Variants in NAV1 observed in about 807,000 individuals in gnomAD.
NAV1 encodes the protein neuron navigator 1, also known as pore membrane and/or filament interacting like protein 3.
In NAV1, 18 loss-of-function variants were observed where a neutral mutation model predicts 175.2. The ratio of observed to expected loss-of-function variants is 0.10; its 90% CI spans 0.07 to 0.15. NAV1 has a LOEUF of 0.15. NAV1 is among the 10% of genes least tolerant of loss of function. NAV1 has a pLI of 1.00. For missense variants in NAV1, 1,731 were observed against 2,436.6 expected (o/e 0.71, Z 6.10); for synonymous variants, 897 against 978.7 (o/e 0.92, Z 1.56).
chr1:201,804,096 T>C, intron 16 of NAV1: 2 of 471,022 alleles, frequency 4.2e-6, no homozygotes, highest in South Asian at 1.8e-5. Flanking sequence ...CTGTTCATTC[T>C]AGACTCCTGG....
intron 2 of NAV1, among the ~76,000 whole-genome samples, chr1:201,594,391 G>C (rs978156226): frequency 2.0e-5 from 3 of 152,310 alleles, no homozygotes; most frequent in Admixed American, 6.5e-5. Context: ...GAGCTCCCAG[G>C]CTGCATGGGG....
chr1:201,554,159 C>T (rs182727384), intron 1 of NAV1, among the ~76,000 whole-genome samples: 1 of 152,320 alleles, frequency 6.6e-6, no homozygotes, highest in East Asian at 1.9e-4. Context: ...CTGGTTTCCC[C>T]ATAAGACAGA....
At chr1:201,609,088 A>T (rs1667774188) in intron 2 of NAV1, among the ~76,000 whole-genome samples, 1 of 152,186 alleles carries the variant, frequency 6.6e-6, no homozygotes, top group Non-Finnish European at 1.5e-5. Context: ...GTAACTCGGG[A>T]AGATGCTTAG....
chr1:201,809,599 T>A, intron 22 of NAV1, 62 bp downstream of exon 26: 3 of 1,497,046 alleles, frequency 2.0e-6, no homozygotes, highest in South Asian at 2.4e-5. Context: ...TATACTTTTT[T>A]AGAGACAGGG....
intron 1 of NAV1, among the ~76,000 whole-genome samples, chr1:201,709,647 T>C (rs1471968601): frequency 6.6e-6 from 1 of 152,256 alleles, no homozygotes; most frequent in South Asian, 2.1e-4. Context: ...GGCATACCCA[T>C]GATGGCCACC....
rs1204579029 is a variant in NAV1, at chr1:201,813,863, C to G, written c.5340+605C>G. Among the ~76,000 whole-genome samples, 4 of 152,004 alleles carry G rather than the reference C, an allele frequency of 2.6e-5. No homozygotes were observed. The East Asian group carries it at 7.7e-4, about 29-fold the overall frequency. ...ACCAGGTCAGGAGATCAGGACCATC[C>G]TGGCTAACATGGTGAAATCCCCTTT... On this transcript the variant is annotated intron_variant, in intron 28 of 29. Coordinates refer to ENST00000367296, the Ensembl canonical transcript of NAV1. This position sits in a 1 kb window ranked among gnomAD's most constrained non-coding sequence, Gnocchi z 4.2.
chr1:201,807,054 G>A lies in NAV1; in HGVS notation c.3649-899G>A, dbSNP rs1678336233. Among the ~76,000 whole-genome samples the A allele has an allele frequency of 6.6e-6, 1 of 151,924 alleles. No individual in the cohort carries two copies. The highest frequency in any genetic ancestry group is 6.6e-5 in the Admixed American group (1 of 15,232). ...TGTCCCTGTGTGTGTGTGTGTATGT[G>A]TGTGTGTGGTGTGTGGTGTGTGCAT... On this transcript the variant is annotated intron_variant, in intron 17 of 29. Transcript: ENST00000367296. The surrounding 1 kb of genome is among the most constrained non-coding windows in gnomAD (Gnocchi z 5.4).
intron 1 of NAV1, among the ~76,000 whole-genome samples, chr1:201,689,789 T>C (rs966227098): frequency 3.3e-5 from 5 of 152,162 alleles, no homozygotes; most frequent in Non-Finnish European, 7.3e-5. Context: ...AGATGTGCGA[T>C]TGGGGGAGTG....
Position 201,782,211 on chromosome 1 carries a change from C to T in NAV1, c.1699C>T (p.Leu567Phe). Reference sequence around the variant, plus strand: ...GGGCAAAGCTACAGACAAGGGTAAGCTTGCAGTGAAGAATACTGGGCTCCA... The same window carrying T: ...GGGCAAAGCTACAGACAAGGGTAAGTTTGCAGTGAAGAATACTGGGCTCCA... Residue 567 changes from leucine (L) to phenylalanine (F), a missense_variant, in exon 6 of 30, where the codon CTT becomes TTT. Leu to Phe is a conservative substitution (Grantham distance 22, BLOSUM62 0). This residue lies in a region of NAV1 where 634 missense variants were observed against 766.8 expected (regional missense o/e 0.83). Transcript: ENST00000367296. This position sits in a 1 kb window ranked among gnomAD's most constrained non-coding sequence, Gnocchi z 5.4. 9 of 1,609,862 alleles carry T rather than the reference C, an allele frequency of 5.6e-6. No homozygotes were observed. The highest frequency in any genetic ancestry group is 6.8e-6 in the Non-Finnish European group (8 of 1,178,130).
intron 1 of NAV1, among the ~76,000 whole-genome samples, chr1:201,668,683 C>T (rs635979): frequency 0.19 from 28,168 of 151,988 alleles, 3,251 homozygotes; most frequent in African/African-American, 0.33. Flanking sequence ...TGAAGGCTGC[C>T]GAGAGCCACC....
chr1:201,554,576 C>G (rs1665957379), intron 1 of NAV1, among the ~76,000 whole-genome samples: 1 of 152,148 alleles, frequency 6.6e-6, no homozygotes, highest in Non-Finnish European at 1.5e-5. Context: ...CAAAGGAAAA[C>G]CGAACAGGAC....
At chr1:201,649,014 G>A in exon 1 of NAV1, 1 of 1,613,572 alleles carries the variant, frequency 6.2e-7, no homozygotes, top group Admixed American at 1.7e-5. Flanking sequence ...CGACGATATG[G>A]CCAAGGCGCC....
intron 2 of NAV1, among the ~76,000 whole-genome samples, chr1:201,717,615 G>A (rs1672189600): frequency 6.6e-6 from 1 of 152,216 alleles, no homozygotes; most frequent in South Asian, 2.1e-4. Flanking sequence ...TTGAGACTCT[G>A]GACATTTGGC....
At chr1:201,809,057 T>G in intron 20 of NAV1, 107 bp from the exon 25 acceptor site, 1 of 1,337,376 alleles carries the variant, frequency 7.5e-7, no homozygotes, top group Non-Finnish European at 1.1e-6. Context: ...GGACCTCCAT[T>G]CCTTCTCTGT....
chr1:201,803,548 T>C (rs1352519245), intron 15 of NAV1, 45 bp from the exon 20 acceptor site: 13 of 1,582,510 alleles, frequency 8.2e-6, no homozygotes, highest in Non-Finnish European at 9.5e-6. Context: ...TCTCACATCC[T>C]CTCTAAATCT....
chr1:201,711,595 G>A (rs1317653321), intron 1 of NAV1, among the ~76,000 whole-genome samples: 1 of 152,250 alleles, frequency 6.6e-6, no homozygotes, highest in Non-Finnish European at 1.5e-5. Context: ...CTTGCGGATG[G>A]AGGGGAAAAG....
chr1:201,746,197 T>G (rs1673759822), intron 3 of NAV1, among the ~76,000 whole-genome samples: 1 of 152,212 alleles, frequency 6.6e-6, no homozygotes, highest in South Asian at 2.1e-4. Flanking sequence ...TTTGTCCAAT[T>G]ATAAGTTTCT....
chr1:201,642,557 T>TTCTTTC, intron 2 of NAV1, among the ~76,000 whole-genome samples: 1 of 106,098 alleles, frequency 9.4e-6, no homozygotes, highest in African/African-American at 4.2e-5. Context: ...TTCTTTCTTT[T>TTCTTTC]TTCCCTTTCT....
chr1:201,627,424 C>A (rs1158596163), intron 1 of NAV1, among the ~76,000 whole-genome samples: 1 of 152,052 alleles, frequency 6.6e-6, no homozygotes, highest in African/African-American at 2.4e-5. Context: ...AGGCATGCAC[C>A]ACCAAGCCTG....
Sources: allele counts gnomAD v4.1 joint callset (sites outside exome capture counted in the v4.1 genomes callset), GRCh38; gene constraint gnomAD v4.1.1; regional missense constraint gnomAD v4.1.1; non-coding constraint Gnocchi (gnomAD v3.1); transcripts MANE v1.5; gene names NCBI Gene and HGNC (gene_info 2026-07-23, HGNC 2026-07-21).